Variants in KDM3A observed in about 807,000 individuals in gnomAD.
KDM3A encodes the protein lysine demethylase 3A.
Under a neutral mutation model 158.0 loss-of-function variants are expected in KDM3A, and 60 were observed. The observed-to-expected ratio is 0.38, with a 90% confidence interval of 0.31 to 0.47. KDM3A has a LOEUF of 0.47. Ranked by LOEUF, KDM3A falls within the 20% of genes least tolerant of loss-of-function variation. The pLI, the probability that KDM3A is intolerant of heterozygous loss-of-function variation, is 0.99. For synonymous variants in KDM3A, 608 were observed against 549.3 expected (o/e 1.11, Z -1.49); for missense variants, 1,319 against 1,574.3 (o/e 0.84, Z 2.74).
At chr2:86,473,524 C>A (rs905581260) in intron 11 of KDM3A, among the ~76,000 whole-genome samples, 1 of 152,036 alleles carries the variant, frequency 6.6e-6, no homozygotes, top group African/African-American at 2.4e-5. Context: ...GTGGGAGGAT[C>A]GCTTGAGCCC....
rs567156467 is a variant in KDM3A, at chr2:86,475,082, T to TC, written c.1939+93dup. 94 of 1,027,458 alleles carry TC rather than the reference T, an allele frequency of 9.1e-5. No homozygotes were observed. The African/African-American group carries it at 1.1e-3, about 12-fold the overall frequency. 63.6% of individuals were successfully genotyped at this position (1,027,458 alleles called of 1,614,324 possible). On this transcript the variant is annotated intron_variant, in intron 12 of 25. Coordinates refer to ENST00000312912, the MANE Select transcript of KDM3A (RefSeq NM_018433.6). ...AAGTCCTAATTGCTTGGGTTTTTTT[T>TC]CACCCAGAAGTTTAGATAACTTTGG... is the stretch of plus-strand genomic sequence containing the variant.
intron 25 of KDM3A, chr2:86,491,538 T>G: frequency 6.9e-5 from 29 of 422,944 alleles, no homozygotes; most frequent in East Asian, 8.6e-5. Flanking sequence ...TGAAAATGAA[T>G]AGATGTGACT....
chr2:86,473,697 C>T (rs562918525), intron 11 of KDM3A, among the ~76,000 whole-genome samples: 2 of 152,142 alleles, frequency 1.3e-5, no homozygotes, highest in South Asian at 4.1e-4. Flanking sequence ...TGCCATGAGC[C>T]GTAATCATAC....
At position 86,482,474 on chromosome 2, in the gene KDM3A, A is replaced by G; in HGVS notation, c.2702A>G (p.Lys901Arg). 1 of 1,614,048 alleles carries G rather than the reference A, an allele frequency of 6.2e-7. No individual in the cohort carries two copies. The highest frequency in any genetic ancestry group is 8.5e-7 in the Non-Finnish European group (1 of 1,179,994). The change falls in exon 18 of 26, where the codon AAG (lysine) becomes AGG (arginine). Residue 901 changes from lysine to arginine, a missense_variant. Around this residue, in one of 4 missense-constraint regions of KDM3A, gnomAD observed 368 missense variants for 415.8 expected, o/e 0.89. Coordinates refer to ENST00000312912, the MANE Select transcript of KDM3A (RefSeq NM_018433.6). ...CCAATTCAGACAGAAAATGGACTCA[A>G]GAATACACCAAAAATCCTTGATGAC... ...SSTGKTENGL[K>R]NTPKILDDIF... is the part of the protein sequence containing the mutation.
Position 86,466,629 on chromosome 2 carries a change from C to T in KDM3A, c.1265C>T (p.Ala422Val), listed in dbSNP as rs1291720975. The change falls in exon 10 of 26, where the codon GCT (alanine) becomes GTT (valine). Residue 422 changes from alanine to valine, a missense_variant. Ala to Val is a moderately conservative substitution (Grantham distance 64). Around this residue, in one of 4 missense-constraint regions of KDM3A, gnomAD observed 652 missense variants for 627.2 expected, o/e 1.04. Coordinates refer to ENST00000312912, the MANE Select transcript of KDM3A (RefSeq NM_018433.6). ...GLPKECLPTK[A>V]SSKAELEIAN... ...CCTAAGGAGTGCTTACCTACAAAGG[C>T]TTCTTCTAAGGCAGAATTGGAAATT... 6 of 1,613,844 alleles carry T rather than the reference C, an allele frequency of 3.7e-6. No homozygotes were observed. The highest frequency in any genetic ancestry group is 1.1e-5 in the South Asian group (1 of 91,080).
chr2:86,487,431 G>C (rs1284285439), intron 21 of KDM3A: 1 of 152,186 alleles, frequency 6.6e-6, no homozygotes, highest in Non-Finnish European at 1.5e-5. Context: ...TCTTCCATGA[G>C]AGTAAGTGCA....
intron 2 of KDM3A, among the ~76,000 whole-genome samples, chr2:86,446,315 G>A (rs1286636091): frequency 6.6e-6 from 1 of 152,220 alleles, no homozygotes; most frequent in Non-Finnish European, 1.5e-5. Flanking sequence ...GGCCAAAGGA[G>A]CATGGGTGAA....
chr2:86,474,742 T>TGTAAAA, intron 11 of KDM3A, 34 bp from the exon 12 acceptor site: 1 of 1,083,116 alleles, frequency 9.2e-7, no homozygotes, highest in Non-Finnish European at 1.4e-6. Flanking sequence ...TGTGTGTGTG[T>TGTAAAA]ACATTACATC....
intron 2 of KDM3A, among the ~76,000 whole-genome samples, chr2:86,447,516 G>C (rs894455580): frequency 1.3e-5 from 2 of 148,924 alleles, no homozygotes; most frequent in Non-Finnish European, 3.0e-5. Context: ...TCTTTCCCCT[G>C]CTCCTAACTT....
chr2:86,483,751 T>C (rs1376955472), intron 18 of KDM3A: 2 of 346,546 alleles, frequency 5.8e-6, no homozygotes, highest in South Asian at 1.1e-4. Context: ...GAGGTGATCC[T>C]TTCTCCTAGA....
In KDM3A at chr2:86,492,646, G is replaced by C. The variant is rs1674511852; in HGVS notation, c.*527G>C. 6.6e-6 allele frequency: 1 copy of C among 152,620 alleles called. No individual in the cohort carries two copies. Among genetic ancestry groups the C allele is most frequent in the Non-Finnish European group, 1.5e-5 (1 of 68,072 alleles). The allele number at this position is 152,620 out of a possible 1,614,324, so 9.5% of individuals were successfully genotyped here. On this transcript the variant is annotated 3_prime_UTR_variant, in exon 26 of 26. Transcript: ENST00000312912. ...GGGGTTAACCATCTTTAGTTAAATG[G>C]AATTTTAATTTAAATGACGCTTTGC...
intron 25 of KDM3A, chr2:86,491,764 G>T: frequency 7.4e-6 from 3 of 403,616 alleles, no homozygotes; most frequent in Non-Finnish European, 1.3e-5. Flanking sequence ...CTGTACCTTG[G>T]AACTTGCCTC....
At chr2:86,454,941 G>T in intron 4 of KDM3A, 144 bp from the exon 5 acceptor site, 1 of 536,922 alleles carries the variant, frequency 1.9e-6, no homozygotes, top group Non-Finnish European at 3.3e-6. Context: ...TGGTTTACTG[G>T]AATTGGAATG....
At chr2:86,461,583 G>A (rs1264642565) in intron 8 of KDM3A, among the ~76,000 whole-genome samples, 1 of 152,158 alleles carries the variant, frequency 6.6e-6, no homozygotes, top group Non-Finnish European at 1.5e-5. Context: ...CCCATTGTGA[G>A]GAGACTGACA....
chr2:86,442,413 TGGCCCACAGCTCCTGGCTGCC>T, intron 2 of KDM3A, 180 bp downstream of exon 2: 2 of 608,452 alleles, frequency 3.3e-6, no homozygotes, highest in South Asian at 4.1e-5. Context: ...GAGTTGTGTT[TGGCCCACAGCTCCTGGCTGCC>T]TGGCTTTAAT....
chr2:86,485,137 T>C (rs1392316843), intron 20 of KDM3A, 108 bp downstream of exon 20: 2 of 651,416 alleles, frequency 3.1e-6, no homozygotes, highest in East Asian at 5.4e-5. Flanking sequence ...AAAAGTTCTG[T>C]AATTATACTG....
Position 86,442,138 on chromosome 2 carries a change from G to A in KDM3A, c.91G>A (p.Asp31Asn), listed in dbSNP as rs752461053. Residue 31 changes from aspartate (D) to asparagine (N), a missense_variant, in exon 2 of 26, where the codon GAC becomes AAC. By Grantham distance (23) the Asp-to-Asn change is conservative. This residue lies in a region of KDM3A where 652 missense variants were observed against 627.2 expected (regional missense o/e 1.04). Transcript: ENST00000312912. ...AGCCGACGGCAGCGATGGCAGCCAC[G>A]ACAGCTGGGACGTGGAGCGCGTCGC... is the stretch of plus-strand genomic sequence containing the variant. The part of the protein sequence containing the change: ...SAADGSDGSH[D>N]SWDVERVAEW... 1.2e-6 allele frequency: 2 copies of A among 1,614,106 alleles called. No homozygotes were observed. Among genetic ancestry groups the A allele is most frequent in the Non-Finnish European group, 8.5e-7 (1 of 1,180,006 alleles).
intron 21 of KDM3A, chr2:86,487,063 C>G (rs1003989447): frequency 6.6e-6 from 1 of 152,240 alleles, no homozygotes; most frequent in South Asian, 2.1e-4. Flanking sequence ...CTGATTAAAG[C>G]AGCTGCATGG....
chr2:86,478,064 A>G lies in KDM3A; in HGVS notation c.2092+35A>G, dbSNP rs374499024. The G allele has an allele frequency of 1.2e-5, 20 of 1,613,460 alleles. No individual in the cohort carries two copies. The African/African-American group carries it at 1.3e-4, about 11-fold the overall frequency. On this transcript the variant is annotated intron_variant, in intron 13 of 25. Coordinates refer to ENST00000312912, the MANE Select transcript of KDM3A (RefSeq NM_018433.6). ...GATTTGATTCTCCTCCAGCCCCTCT[A>G]CACAGTTAAATCAAGTGTTTTTGTT... is the stretch of plus-strand genomic sequence containing the variant.
Sources: gnomAD v4.1 joint callset for allele counts (sites outside exome capture counted in the v4.1 genomes callset) on GRCh38, gnomAD v4.1.1 for gene constraint, gnomAD v4.1.1 regional missense constraint, MANE v1.5 for transcripts, NCBI Gene and HGNC (gene_info 2026-07-23, HGNC 2026-07-21) for gene names.